The following RALGPS1 variants were observed in gnomAD, a reference collection of about 807,000 sequenced individuals.
The protein encoded by RALGPS1 is Ral GEF with PH domain and SH3 binding motif 1, also known as ras-specific guanine nucleotide-releasing factor RalGPS1.
In RALGPS1, 19 loss-of-function variants were observed where a neutral mutation model predicts 78.8. The ratio of observed to expected loss-of-function variants is 0.24; its 90% CI spans 0.17 to 0.35. RALGPS1 has a LOEUF of 0.35. RALGPS1 is among the 10% of genes least tolerant of loss of function. RALGPS1 has a pLI of 1.00. For missense variants in RALGPS1, 454 were observed against 688.3 expected (o/e 0.66, Z 3.81); for synonymous variants, 228 against 256.3 (o/e 0.89, Z 1.06).
At chr9:127,037,000 G>A (rs980560595) in intron 5 of RALGPS1, among the ~76,000 whole-genome samples, 7 of 152,180 alleles carry the variant, frequency 4.6e-5, no homozygotes, top group Non-Finnish European at 1.0e-4. Flanking sequence ...GAGTCTTATC[G>A]CAACAACTTA....
intron 4 of RALGPS1, among the ~76,000 whole-genome samples, chr9:126,994,631 C>A (rs2042572015): frequency 6.6e-6 from 1 of 152,118 alleles, no homozygotes; most frequent in South Asian, 2.1e-4. Context: ...GGAGAACATC[C>A]CCAATCTAGC....
At chr9:127,174,265 A>AAGAG (rs1194767469) in intron 10 of RALGPS1, among the ~76,000 whole-genome samples, 1 of 148,780 alleles carries the variant, frequency 6.7e-6, no homozygotes, top group African/African-American at 2.6e-5. Context: ...AAGAAAGAAA[A>AAGAG]AGAGAGAGAG....
chr9:127,205,947 A>T lies in RALGPS1; in HGVS notation c.1248-6184A>T, dbSNP rs1282483442. ...TACAGTACAAATGTGGTTCCTAGGG[A>T]CCCACTTAGTGAATCAGGGACATTG... On this transcript the variant is annotated intron_variant, in intron 14 of 18. Transcript: ENST00000259351. The surrounding 1 kb of genome is among the most constrained non-coding windows in gnomAD (Gnocchi z 4.0). 6.6e-6 allele frequency among the ~76,000 whole-genome samples: 1 copy of T among 152,166 alleles called. No individual in the cohort carries two copies. The highest frequency in any genetic ancestry group is 1.5e-5 in the Non-Finnish European group (1 of 68,030).
intron 5 of RALGPS1, among the ~76,000 whole-genome samples, chr9:127,034,876 C>T (rs2046734335): frequency 6.6e-6 from 1 of 152,094 alleles, no homozygotes; most frequent in East Asian, 1.9e-4. Context: ...TACTGATATA[C>T]CTTATCTCTC....
intron 8 of RALGPS1, among the ~76,000 whole-genome samples, chr9:127,097,531 G>A (rs977306060): frequency 6.6e-6 from 1 of 152,164 alleles, no homozygotes; most frequent in Non-Finnish European, 1.5e-5. Flanking sequence ...CACATTAAAG[G>A]CACCAGTGGC....
chr9:127,211,089 A>G lies in RALGPS1; in HGVS notation c.1248-1042A>G, dbSNP rs1407493796. Among the ~76,000 whole-genome samples the G allele has an allele frequency of 2.0e-5, 3 of 152,262 alleles. No individual in the cohort carries two copies. Among genetic ancestry groups the G allele is most frequent in the Non-Finnish European group, 4.4e-5 (3 of 68,048 alleles). On this transcript the variant is annotated intron_variant, in intron 14 of 18. Transcript: ENST00000259351. This position sits in a 1 kb window ranked among gnomAD's most constrained non-coding sequence, Gnocchi z 5.0. The stretch of plus-strand genomic sequence containing the variant: ...TCCCAGCAAAGGGACAGCATGGGCT[A>G]TGAGGCAGGAAGAGCTGGGTGATTC...
intron 8 of RALGPS1, among the ~76,000 whole-genome samples, chr9:127,124,040 C>T (rs929770035): frequency 1.2e-4 from 19 of 152,206 alleles, no homozygotes; most frequent in Non-Finnish European, 2.6e-4. Flanking sequence ...CTACCAGGCA[C>T]CCGTCCCAAC....
intron 4 of RALGPS1, among the ~76,000 whole-genome samples, chr9:127,020,892 G>A (rs1277743836): frequency 6.6e-6 from 1 of 152,182 alleles, no homozygotes; most frequent in Non-Finnish European, 1.5e-5. Context: ...TTCTTCATCT[G>A]TAAAATGGGG....
chr9:126,980,390 G>C (rs2041129825), intron 4 of RALGPS1, among the ~76,000 whole-genome samples: 1 of 152,168 alleles, frequency 6.6e-6, no homozygotes, highest in South Asian at 2.1e-4. Context: ...CTGTGTATCA[G>C]CATCCACTTG....
chr9:126,945,293 G>A (rs889379861), intron 1 of RALGPS1, among the ~76,000 whole-genome samples: 18 of 152,034 alleles, frequency 1.2e-4, no homozygotes, highest in African/African-American at 4.3e-4. Flanking sequence ...CCGCCTCCCT[G>A]GTTCAACCCA....
At chr9:127,001,000 C>T (rs752062924) in intron 4 of RALGPS1, among the ~76,000 whole-genome samples, 16 of 150,924 alleles carry the variant, frequency 1.1e-4, no homozygotes, top group Non-Finnish European at 1.6e-4. Flanking sequence ...TCAGGCCAGG[C>T]GTGGTGGCTC....
intron 1 of RALGPS1, among the ~76,000 whole-genome samples, chr9:126,939,662 T>C (rs2131383957): frequency 6.6e-6 from 1 of 152,344 alleles, no homozygotes; most frequent in Middle Eastern, 3.4e-3. Context: ...AGAGCAGGAT[T>C]CAAACCCAGG....
chr9:127,121,216 C>T (rs2056050447), intron 8 of RALGPS1, among the ~76,000 whole-genome samples: 1 of 152,212 alleles, frequency 6.6e-6, no homozygotes, highest in Non-Finnish European at 1.5e-5. Context: ...AGCTGTTACT[C>T]TCTGGCCATT....
In RALGPS1 at chr9:127,221,243, G is replaced by A. The variant is rs758244541; in HGVS notation, c.*2474G>A. On this transcript the variant is annotated 3_prime_UTR_variant, in exon 19 of 19. Transcript: ENST00000259351. ...GGGCCAGGCACCAACCACAAGGCGG[G>A]AAAGTCCATGGGTAGACCCTCCCCC... The A allele has an allele frequency of 6.6e-6, 1 of 152,232 alleles. No homozygotes were observed. Among genetic ancestry groups the A allele is most frequent in the Non-Finnish European group, 1.5e-5 (1 of 68,068 alleles). The allele number at this position is 152,232 out of a possible 1,614,324, so 9.4% of individuals were successfully genotyped here. A position where few individuals can be genotyped will look rare whatever the true frequency, so the allele number is the denominator to read the frequency against.
intron 1 of RALGPS1, among the ~76,000 whole-genome samples, chr9:126,917,285 G>C (rs923504101): frequency 6.6e-6 from 1 of 152,192 alleles, no homozygotes; most frequent in Non-Finnish European, 1.5e-5. Flanking sequence ...GCTGCTGTCT[G>C]AGTGACCATC....
intron 11 of RALGPS1, among the ~76,000 whole-genome samples, chr9:127,189,024 AAAAC>A (rs1392587107): frequency 1.6e-5 from 2 of 124,770 alleles, no homozygotes; most frequent in African/African-American, 5.7e-5. Context: ...AAAAAAAAAA[AAAAC>A]CCCATTGGCT....
At chr9:127,027,155 C>T (rs992417623) in intron 4 of RALGPS1, among the ~76,000 whole-genome samples, 4 of 152,142 alleles carry the variant, frequency 2.6e-5, no homozygotes, top group African/African-American at 9.7e-5. Flanking sequence ...GTGCTGATCT[C>T]CAGTAATGTG....
chr9:127,088,621 C>T, intron 8 of RALGPS1: 1 of 401,210 alleles, frequency 2.5e-6, no homozygotes, highest in South Asian at 2.7e-5. Flanking sequence ...GGCTCATACA[C>T]ATGTATATTA....
rs1431772023 is a variant in RALGPS1, at chr9:126,988,919, C to T, written c.216+11174C>T. Among the ~76,000 whole-genome samples, 3 of 152,166 alleles carry T rather than the reference C, an allele frequency of 2.0e-5. No homozygotes were observed. In the East Asian group the frequency reaches 5.8e-4, roughly 29 times the overall value. On this transcript the variant is annotated intron_variant, in intron 4 of 18. Transcript: ENST00000259351. The stretch of plus-strand genomic sequence containing the variant: ...TAGTTAAGTCAAGCAGGGTGATCAG[C>T]AATGTTGCCTTTAGGGAGGGAGGCC...
Sources: gnomAD v4.1 joint callset for allele counts (sites outside exome capture counted in the v4.1 genomes callset) on GRCh38, gnomAD v4.1.1 for gene constraint, Gnocchi (gnomAD v3.1) non-coding constraint, MANE v1.5 for transcripts, NCBI Gene and HGNC (gene_info 2026-07-23, HGNC 2026-07-21) for gene names.